PDE4D: variants seen among roughly 807,000 people sequenced by gnomAD.
The protein encoded by PDE4D is phosphodiesterase 4D.
PDE4D carries 24 observed loss-of-function variants against 87.4 expected under a neutral mutation model. The observed-to-expected ratio is 0.27, with a 90% CI of 0.20 to 0.39. The LOEUF is 0.39. PDE4D is among the 10% of genes least tolerant of loss of function. PDE4D has a pLI of 1.00. For missense variants in PDE4D, 714 were observed against 1,041.0 expected (o/e 0.69, Z 4.32); for synonymous variants, 384 against 383.2 (o/e 1.00, Z -0.02).
intron 1 of PDE4D, among the ~76,000 whole-genome samples, chr5:59,644,089 C>T (rs1742057620): frequency 6.6e-6 from 1 of 152,156 alleles, no homozygotes; most frequent in Non-Finnish European, 1.5e-5. Context: ...TCCAGTAGGA[C>T]ATTTGTAGGA....
chr5:59,491,380 C>T (rs1190120832), intron 1 of PDE4D, among the ~76,000 whole-genome samples: 1 of 152,282 alleles, frequency 6.6e-6, no homozygotes, highest in Admixed American at 6.5e-5. Flanking sequence ...TGCACCATTA[C>T]CTTCTACCTC....
At chr5:59,187,760 T>TTG (rs1176913726) in intron 3 of PDE4D, among the ~76,000 whole-genome samples, 2 of 152,222 alleles carry the variant, frequency 1.3e-5, no homozygotes, top group South Asian at 4.1e-4. Flanking sequence ...AGATTATTTA[T>TTG]TGTGTGTGTG....
At chr5:60,520,135 GT>G (rs1399811098) in intron 1 of PDE4D, among the ~76,000 whole-genome samples, 2 of 152,070 alleles carry the variant, frequency 1.3e-5, no homozygotes, top group African/African-American at 4.8e-5. Flanking sequence ...CTGGATGGTT[GT>G]TTTTGTGCAA....
chr5:59,861,218 G>C (rs1746235458), intron 1 of PDE4D, among the ~76,000 whole-genome samples: 1 of 152,038 alleles, frequency 6.6e-6, no homozygotes, highest in South Asian at 2.1e-4. Flanking sequence ...TGGGTTATTT[G>C]TTTTGATAAA....
chr5:60,465,200 A>G (rs2150179938), intron 1 of PDE4D, among the ~76,000 whole-genome samples: 1 of 152,322 alleles, frequency 6.6e-6, no homozygotes, highest in Admixed American at 6.5e-5. Flanking sequence ...AGCTAAAGAA[A>G]TATCTCTTCA....
At chr5:59,703,628 T>C (rs765626035) in intron 1 of PDE4D, 2 of 534,016 alleles carry the variant, frequency 3.7e-6, no homozygotes, top group African/African-American at 1.9e-5. Flanking sequence ...TTGCACCCTT[T>C]GGGTTCAGTT....
chr5:59,386,330 TAG>T (rs1454730894), intron 1 of PDE4D, among the ~76,000 whole-genome samples: 1 of 152,180 alleles, frequency 6.6e-6, no homozygotes, highest in Non-Finnish European at 1.5e-5. Flanking sequence ...AGAAAAAGAC[TAG>T]AGAGTCAAAT....
rs1456329257 is a variant in PDE4D at position 59,275,497 on chromosome 5, T to C, written c.456-59529A>G. On this transcript the variant is annotated intron_variant, in intron 1 of 14. Coordinates refer to ENST00000340635, the MANE Select transcript of PDE4D (RefSeq NM_001104631.2). ...CAAAGAAGATTTTAAAGATATTCCATTTCCAAGGGAGGCTGCTTGAAGAAA... is the reference window on the plus strand; with the variant it reads ...CAAAGAAGATTTTAAAGATATTCCACTTCCAAGGGAGGCTGCTTGAAGAAA... The C allele has an allele frequency of 5.3e-6, 8 of 1,513,096 alleles. No individual in the cohort carries two copies. In the Admixed American group the frequency reaches 6.3e-5, roughly 12 times the overall value. The allele number at this position is 1,513,096 out of a possible 1,614,324, so 93.7% of individuals were successfully genotyped here. A position where few individuals can be genotyped will look rare whatever the true frequency, so the allele number is the denominator to read the frequency against.
intron 2 of PDE4D, among the ~76,000 whole-genome samples, chr5:60,073,465 G>T (rs1435269551): frequency 6.8e-6 from 1 of 147,926 alleles, no homozygotes; most frequent in Non-Finnish European, 1.5e-5. Flanking sequence ...CTAGCCTGAA[G>T]TTTTATTTTC....
At chr5:59,621,985 T>C (rs369629786) in intron 1 of PDE4D, among the ~76,000 whole-genome samples, 1 of 152,320 alleles carries the variant, frequency 6.6e-6, no homozygotes, top group African/African-American at 2.4e-5. Flanking sequence ...TTCATATCTT[T>C]TATGTCATCT....
intron 1 of PDE4D, among the ~76,000 whole-genome samples, chr5:59,252,772 C>A (rs1185936853): frequency 6.6e-6 from 1 of 152,106 alleles, no homozygotes; most frequent in Non-Finnish European, 1.5e-5. Flanking sequence ...AGTGATCCTC[C>A]CACCTCGGCC....
intron 1 of PDE4D, among the ~76,000 whole-genome samples, chr5:59,689,323 A>G (rs1405529821): frequency 4.6e-5 from 7 of 152,196 alleles, no homozygotes; most frequent in African/African-American, 1.7e-4. Context: ...TATCCTTAAT[A>G]AAATACTGGC....
chr5:59,055,879 C>A (rs1047145862), intron 5 of PDE4D, among the ~76,000 whole-genome samples: 1 of 152,204 alleles, frequency 6.6e-6, no homozygotes, highest in South Asian at 2.1e-4. Context: ...ACCAGTAATA[C>A]GAGAAGCTTG....
intron 1 of PDE4D, among the ~76,000 whole-genome samples, chr5:60,514,801 A>G (rs925259337): frequency 1.3e-5 from 2 of 152,130 alleles, no homozygotes; most frequent in African/African-American, 4.8e-5. Flanking sequence ...AATGCTTACC[A>G]TCAACATTTC....
chr5:59,099,872 G>T (rs2153432929), intron 5 of PDE4D, among the ~76,000 whole-genome samples: 2 of 152,252 alleles, frequency 1.3e-5, no homozygotes, highest in East Asian at 3.9e-4. Context: ...ACAAACCACA[G>T]TCCAGGATGA....
intron 2 of PDE4D, among the ~76,000 whole-genome samples, chr5:60,148,778 G>T (rs1781238560): frequency 6.6e-6 from 1 of 152,090 alleles, no homozygotes; most frequent in African/African-American, 2.4e-5. Context: ...TAATGAAAAA[G>T]GCATAGTTGG....
intron 1 of PDE4D, among the ~76,000 whole-genome samples, chr5:59,536,913 T>C (rs572070024): frequency 6.6e-6 from 1 of 152,330 alleles, no homozygotes; most frequent in South Asian, 2.1e-4. Flanking sequence ...CCACATAGTA[T>C]GACAAATATA....
chr5:59,235,586 T>G (rs1213646253), intron 1 of PDE4D, among the ~76,000 whole-genome samples: 1 of 152,210 alleles, frequency 6.6e-6, no homozygotes, highest in Non-Finnish European at 1.5e-5. Context: ...ATTGAACAAT[T>G]GGATTACTTT....
chr5:60,172,027 GAAT>G (rs1783482209), intron 2 of PDE4D, among the ~76,000 whole-genome samples: 1 of 149,106 alleles, frequency 6.7e-6, no homozygotes, highest in Non-Finnish European at 1.5e-5. Flanking sequence ...CAAAAAATAG[GAAT>G]AATAATCGTA....
Sources: allele counts gnomAD v4.1 joint callset (sites outside exome capture counted in the v4.1 genomes callset), GRCh38; gene constraint gnomAD v4.1.1; transcripts MANE v1.5; gene names NCBI Gene and HGNC (gene_info 2026-07-23, HGNC 2026-07-21).